MYH15: variants seen among roughly 807,000 people sequenced by gnomAD.
The protein encoded by MYH15 is myosin-15.
In MYH15, 227 loss-of-function variants were observed where a neutral mutation model predicts 240.5. That is an observed-to-expected ratio of 0.94 (90% confidence interval 0.85 to 1.05). MYH15 has a LOEUF of 1.05. MYH15 is among the 50% of genes least tolerant of loss of function. The pLI is 0.00. For synonymous variants in MYH15, 785 were observed against 796.7 expected (o/e 0.99, Z 0.25); for missense variants, 2,217 against 2,247.5 (o/e 0.99, Z 0.27).
chr3:108,542,608 GTAAGCATGTCACATGGTGTGCTGCACAGA>G, the MYH15 span, among the ~76,000 whole-genome samples: 1 of 152,032 alleles, frequency 6.6e-6, no homozygotes, highest in Non-Finnish European at 1.5e-5. Context: ...TCTTACAAAG[GTAAGCATGTCACATGGTGTGCTGCACAGA>G]TCAACCCATC....
At chr3:108,535,564 G>T in the MYH15 span, among the ~76,000 whole-genome samples, 1 of 152,112 alleles carries the variant, frequency 6.6e-6, no homozygotes. Flanking sequence ...CAAACATTCA[G>T]TCTATAGCAG....
chr3:108,519,717 T>A (rs1024132062), intron 1 of MYH15, among the ~76,000 whole-genome samples: 2 of 152,176 alleles, frequency 1.3e-5, no homozygotes, highest in African/African-American at 2.4e-5. Flanking sequence ...ATGATAATAT[T>A]CCTTAGGGTC....
intron 24 of MYH15, among the ~76,000 whole-genome samples, chr3:108,438,859 T>TGTGTGGGTGGGTGTGTGG (rs1255656666): frequency 6.6e-6 from 1 of 152,050 alleles, no homozygotes; most frequent in Non-Finnish European, 1.5e-5. Flanking sequence ...AGAGAATAAG[T>TGTGTGGGTGGGTGTGTGG]GTGTGGGTGG....
chr3:108,499,754 A>AT (rs1378177887), intron 4 of MYH15, among the ~76,000 whole-genome samples: 3 of 152,228 alleles, frequency 2.0e-5, no homozygotes, highest in African/African-American at 7.2e-5. Context: ...GATTCTTGCC[A>AT]TTTTAAGCCT....
intron 15 of MYH15, among the ~76,000 whole-genome samples, chr3:108,463,580 C>G (rs2083089798): frequency 6.6e-6 from 1 of 152,092 alleles, no homozygotes; most frequent in African/African-American, 2.4e-5. Context: ...AGCAATCCAC[C>G]CATCTCAGCC....
chr3:108,542,744 C>T, the MYH15 span, among the ~76,000 whole-genome samples: 1 of 150,592 alleles, frequency 6.6e-6, no homozygotes, highest in African/African-American at 2.4e-5. Flanking sequence ...TGTTGTTCCC[C>T]ACGTGTCCAT....
At chr3:108,504,652 T>C (rs994079269) in intron 2 of MYH15, among the ~76,000 whole-genome samples, 9 of 152,216 alleles carry the variant, frequency 5.9e-5, no homozygotes, top group African/African-American at 2.2e-4. Context: ...GGGAATCATC[T>C]GTAAAATCTA....
At chr3:108,445,267 A>G (rs954360091) in intron 21 of MYH15, among the ~76,000 whole-genome samples, 5 of 152,204 alleles carry the variant, frequency 3.3e-5, no homozygotes, top group Non-Finnish European at 2.9e-5. Flanking sequence ...AAGAGTTTGT[A>G]TTTTCATATT....
At chr3:108,450,764 T>C (rs4855653) in intron 21 of MYH15, among the ~76,000 whole-genome samples, 20,078 of 152,160 alleles carry the variant, frequency 0.13, 1,794 homozygotes, top group East Asian at 0.45. Flanking sequence ...TGGTAATCAT[T>C]TCACAATACC....
chr3:108,455,632 G>A (rs2083012255), intron 20 of MYH15, 104 bp downstream of exon 20: 1 of 1,288,826 alleles, frequency 7.8e-7, no homozygotes, highest in South Asian at 1.4e-5. Context: ...TTATGGTCAT[G>A]AGAGCTGAAG....
chr3:108,392,196 C>T (rs1371315534), intron 36 of MYH15, among the ~76,000 whole-genome samples: 1 of 152,210 alleles, frequency 6.6e-6, no homozygotes, highest in Non-Finnish European at 1.5e-5. Context: ...CATTATTATG[C>T]AACACCTGTA....
intron 8 of MYH15, 91 bp downstream of exon 8, chr3:108,493,023 A>AAGGAAGGT (rs2107599833): frequency 2.6e-6 from 2 of 783,996 alleles, no homozygotes; most frequent in Non-Finnish European, 3.8e-6. Flanking sequence ...GAAAGAAGAA[A>AAGGAAGGT]AGGAAGGAAG....
chr3:108,423,688 C>T (rs954071575), intron 27 of MYH15, among the ~76,000 whole-genome samples: 2 of 152,172 alleles, frequency 1.3e-5, no homozygotes, highest in Non-Finnish European at 2.9e-5. Context: ...CCTCTTTCTA[C>T]AAATGAGAAA....
intron 28 of MYH15, 114 bp from the exon 29 acceptor site, chr3:108,417,044 A>G: frequency 1.3e-6 from 1 of 782,678 alleles, no homozygotes; most frequent in East Asian, 2.6e-5. Context: ...CATATTTTTG[A>G]TATTTAGGAA....
chr3:108,403,394 T>G (rs556314041), intron 33 of MYH15, among the ~76,000 whole-genome samples: 3 of 152,354 alleles, frequency 2.0e-5, no homozygotes, highest in Admixed American at 1.3e-4. Context: ...TGATGGGTTA[T>G]ATGGGCATAG....
intron 28 of MYH15, among the ~76,000 whole-genome samples, chr3:108,418,234 G>T (rs2082650216): frequency 6.6e-6 from 1 of 152,124 alleles, no homozygotes; most frequent in Non-Finnish European, 1.5e-5. Flanking sequence ...TCTTACTCCA[G>T]TATGAAACAG....
chr3:108,509,439 C>T (rs758645057), intron 1 of MYH15, among the ~76,000 whole-genome samples: 2 of 152,024 alleles, frequency 1.3e-5, no homozygotes, highest in African/African-American at 2.4e-5. Flanking sequence ...GTTCTGTTAT[C>T]GTATTTGATT....
chr3:108,464,884 A>T, intron 14 of MYH15, 70 bp from the exon 15 acceptor site: 2 of 1,380,396 alleles, frequency 1.4e-6, no homozygotes, highest in South Asian at 2.9e-5. Context: ...GGTCAGTATA[A>T]ATTCTTTCCC....
chr3:108,405,229 T>C, intron 33 of MYH15, 109 bp downstream of exon 33: 1 of 491,456 alleles, frequency 2.0e-6, no homozygotes, highest in Non-Finnish European at 3.6e-6. Context: ...ACTAAGTTTC[T>C]TTGGTAATGC....
Sources: gnomAD v4.1 joint callset for allele counts (sites outside exome capture counted in the v4.1 genomes callset) on GRCh38, gnomAD v4.1.1 for gene constraint, MANE v1.5 for transcripts, NCBI Gene and HGNC (gene_info 2026-07-23, HGNC 2026-07-21) for gene names.